The following MUC5AC variants were observed in gnomAD, a reference collection of about 807,000 sequenced individuals.
MUC5AC encodes mucin-5AC.
Under a neutral mutation model 169.7 loss-of-function variants are expected in MUC5AC, and 158 were observed. The ratio of observed to expected loss-of-function variants is 0.93; its 90% CI spans 0.82 to 1.06. The LOEUF is 1.06. MUC5AC is among the 50% of genes least tolerant of loss of function. MUC5AC has a pLI of 0.00. For missense variants in MUC5AC, 4,359 were observed against 3,089.9 expected (o/e 1.41, Z -9.74); for synonymous variants, 1,975 against 1,237.0 (o/e 1.60, Z -12.52).
chr11:1,158,579 A>G (rs1860032875), intron 1 of MUC5AC, among the ~76,000 whole-genome samples: 4 of 152,116 alleles, frequency 2.6e-5, no homozygotes, highest in African/African-American at 9.7e-5. Flanking sequence ...CCACAAGGGA[A>G]CTGTTTCACC....
At position 1,161,953 on chromosome 11, in the gene MUC5AC, C is replaced by A; in HGVS notation, c.258C>A (p.Ser86Arg). The A allele has an allele frequency of 6.2e-7, 1 of 1,612,238 alleles. No homozygotes were observed. Residue 86 changes from serine (S) to arginine (R), a missense_variant, in exon 4 of 49, where the codon AGC becomes AGA. By Grantham distance (110) the Ser-to-Arg change is moderately radical (BLOSUM62 -1). Transcript: ENST00000621226. ...GGCGGGTGTGCAGCACCTGGGGCAGCTTCCACTACAAGACCTTCGACGGCG... is the reference window on the plus strand; with the variant it reads ...GGCGGGTGTGCAGCACCTGGGGCAGATTCCACTACAAGACCTTCGACGGCG... The part of the protein sequence containing the change: ...HNGRVCSTWG[S>R]FHYKTFDGDV...
rs763960238 is a variant in MUC5AC, at chr11:1,162,592, G to A, written c.534G>A (p.Lys178=). ...TTCAGCAGAGCAGCAGCTACACCAA[G>A]GTGGAGGCCAGGCTGGGCCTTGTCC... ...VLIQQSSSYT[K]VEARLGLVLM... is the part of the protein sequence containing the mutation. Residue 178 remains lysine (K), a synonymous_variant, in exon 5 of 49, where the codon AAG becomes AAA. Transcript: ENST00000621226. The A allele has an allele frequency of 6.2e-7, 1 of 1,612,770 alleles. No homozygotes were observed. Among genetic ancestry groups the A allele is most frequent in the Non-Finnish European group, 8.5e-7 (1 of 1,179,868 alleles).
chr11:1,199,546 G>T, intron 46 of MUC5AC, 56 bp downstream of exon 46: 1 of 698,924 alleles, frequency 1.4e-6, no homozygotes. Flanking sequence ...AGATGGGTTT[G>T]GGGGGCTGTG....
intron 15 of MUC5AC, among the ~76,000 whole-genome samples, chr11:1,171,620 C>T (rs1376483066): frequency 0.14 from 16,995 of 123,730 alleles, 1,246 homozygotes; most frequent in Non-Finnish European, 0.17. Context: ...CACCCACTCA[C>T]GAACTCACTC....
intron 19 of MUC5AC, among the ~76,000 whole-genome samples, chr11:1,175,567 G>C (rs1257586206): frequency 5.1e-5 from 6 of 117,252 alleles, no homozygotes; most frequent in African/African-American, 2.0e-4. Flanking sequence ...TCACACTCAT[G>C]CACATGCTCA....
rs1861018614 is a variant in MUC5AC at position 1,188,962 on chromosome 11, A to G, written c.10817A>G (p.Lys3606Arg). The change falls in exon 31 of 49, where the codon AAG (lysine) becomes AGG (arginine). Residue 3606 changes from lysine (K) to arginine (R), a missense_variant. Transcript: ENST00000621226. Reference sequence around the variant, plus strand: ...AACCAGGACCAGCAGGGACCCTTCAAGATGTGCCTCAACTACGAGGTGCGT... The same window carrying G: ...AACCAGGACCAGCAGGGACCCTTCAGGATGTGCCTCAACTACGAGGTGCGT... ...CRNQDQQGPF[K>R]MCLNYEVRVL... 1.4e-6 allele frequency: 1 copy of G among 708,538 alleles called. No homozygotes were observed. The highest frequency in any genetic ancestry group is 2.5e-5 in the East Asian group (1 of 40,782). 43.9% of individuals were successfully genotyped at this position (708,538 alleles called of 1,614,324 possible). A position where few individuals can be genotyped will look rare whatever the true frequency, so the allele number is the denominator to read the frequency against.
In MUC5AC at chr11:1,174,617, T is replaced by C; in HGVS notation, c.2087T>C (p.Val696Ala). Residue 696 changes from valine (V) to alanine (A), a missense_variant, in exon 17 of 49, where the codon GTC (valine) becomes GCC (alanine). By Grantham distance (64) the Val-to-Ala change is moderately conservative. Transcript: ENST00000621226. ...CAGCTCGGCGGCTGGAGGGACGGCGTCTGCAGTGAGTGCCTGCCAAGCCCA... is the reference window on the plus strand; with the variant it reads ...CAGCTCGGCGGCTGGAGGGACGGCGCCTGCAGTGAGTGCCTGCCAAGCCCA... ...GVQLGGWRDG[V>A]CTKPMTTCPK... 1 of 1,231,062 alleles carries C rather than the reference T, an allele frequency of 8.1e-7. No individual in the cohort carries two copies. The highest frequency in any genetic ancestry group is 1.1e-6 in the Non-Finnish European group (1 of 876,116). The allele number at this position is 1,231,062 out of a possible 1,614,324, so 76.3% of individuals were successfully genotyped here.
chr11:1,174,700 TG>T, intron 17 of MUC5AC, 78 bp downstream of exon 17: 1 of 614,170 alleles, frequency 1.6e-6, no homozygotes. Context: ...GTGCACAGGT[TG>T]CTCTAAGGGC....
chr11:1,175,996 TCACA>T (rs1181276773), intron 19 of MUC5AC, among the ~76,000 whole-genome samples, 151 bp from the exon 20 acceptor site: 1 of 137,010 alleles, frequency 7.3e-6, no homozygotes, highest in African/African-American at 2.8e-5. Flanking sequence ...ATGGACACGC[TCACA>T]CACCCACTCA....
intron 16 of MUC5AC, 140 bp from the exon 17 acceptor site, chr11:1,174,356 A>G: frequency 3.5e-6 from 2 of 565,174 alleles, no homozygotes; most frequent in Admixed American, 3.2e-5. Context: ...GATGCCTGTG[A>G]GGACTCACAG....
intron 15 of MUC5AC, among the ~76,000 whole-genome samples, chr11:1,171,928 C>CACCT (rs1178513358): frequency 0.089 from 13,014 of 146,772 alleles, 655 homozygotes; most frequent in East Asian, 0.16. Context: ...CTCACTCACT[C>CACCT]ACTCATCCAC....
Position 1,199,398 on chromosome 11 carries a change from A to G in MUC5AC, c.16423A>G (p.Asn5475Asp). Reference protein sequence around the residue: ...YPGETWSDAGNHCVTHQCEKH... With the variant: ...YPGETWSDAGDHCVTHQCEKH... ...CGGCGAGACCTGGTCAGACGCAGGGAACCACTGTGTGACCCACCAGTGTGA... is the reference window on the plus strand; with the variant it reads ...CGGCGAGACCTGGTCAGACGCAGGGGACCACTGTGTGACCCACCAGTGTGA... Residue 5475 changes from asparagine to aspartate, a missense_variant, in exon 46 of 49, where the codon AAC becomes GAC. Asn to Asp is a conservative substitution (Grantham distance 23, BLOSUM62 1). Coordinates refer to ENST00000621226, the MANE Select transcript of MUC5AC (RefSeq NM_001304359.2). 2.8e-6 allele frequency: 2 copies of G among 725,244 alleles called. No individual in the cohort carries two copies. The highest frequency in any genetic ancestry group is 5.0e-6 in the Non-Finnish European group (2 of 397,894). The allele number at this position is 725,244 out of a possible 1,614,324, so 44.9% of individuals were successfully genotyped here. A position where few individuals can be genotyped will look rare whatever the true frequency, so the allele number is the denominator to read the frequency against.
At chr11:1,162,825 C>A in intron 5 of MUC5AC, 130 bp from the exon 6 acceptor site, 3 of 1,049,468 alleles carry the variant, frequency 2.9e-6, no homozygotes, top group African/African-American at 1.6e-5. Flanking sequence ...TCTGTGCCCC[C>A]AGGATGGAGA....
chr11:1,195,761 T>C (rs1473761607), intron 36 of MUC5AC, 115 bp from the exon 37 acceptor site: 1 of 580,534 alleles, frequency 1.7e-6, no homozygotes, highest in Non-Finnish European at 3.1e-6. Context: ...CACACACCAG[T>C]GGCTGCTCTG....
At position 1,163,934 on chromosome 11, in the gene MUC5AC, C is replaced by T; in HGVS notation, c.732C>T (p.Pro244=). Reference sequence around the variant, plus strand: ...GGAACCTGCAGAAGATGGACGACCCCACGGACCAGTGTCAGGACCCTGTCC... The same window carrying T: ...GGAACCTGCAGAAGATGGACGACCCTACGGACCAGTGTCAGGACCCTGTCC... The part of the protein sequence containing the change: ...EFGNLQKMDD[P]TDQCQDPVPE... Residue 244 remains proline, a synonymous_variant, in exon 7 of 49, where the codon CCC becomes CCT. Coordinates refer to ENST00000621226, the MANE Select transcript of MUC5AC (RefSeq NM_001304359.2). The T allele has an allele frequency of 6.2e-7, 1 of 1,611,546 alleles. No homozygotes were observed. The highest frequency in any genetic ancestry group is 1.6e-4 in the Middle Eastern group (1 of 6,062).
At chr11:1,193,803 C>T (rs901025270) in intron 33 of MUC5AC, 144 bp downstream of exon 33, 14 of 630,184 alleles carry the variant, frequency 2.2e-5, no homozygotes, top group African/African-American at 7.2e-5. Context: ...AGCATCAAGG[C>T]GGGGCCGCAT....
chr11:1,192,560 C>G (rs1339677201), intron 31 of MUC5AC, 35 bp downstream of exon 31: 1 of 757,086 alleles, frequency 1.3e-6, no homozygotes, highest in African/African-American at 1.7e-5. Flanking sequence ...TGTTTCTGAG[C>G]TCACCCTGGT....
intron 32 of MUC5AC, 99 bp downstream of exon 32, chr11:1,193,081 T>C (rs1861165745): frequency 5.0e-6 from 3 of 600,404 alleles, no homozygotes. Context: ...CTTGAGAAGG[T>C]CACTGGCGCT....
At chr11:1,197,732 C>G (rs1243042825) in intron 41 of MUC5AC, 93 bp downstream of exon 41, 1 of 634,264 alleles carries the variant, frequency 1.6e-6, no homozygotes, top group Non-Finnish European at 2.9e-6. Context: ...GGGGCGTGCA[C>G]CTGGGGACAG....
Sources: allele counts gnomAD v4.1 joint callset (sites outside exome capture counted in the v4.1 genomes callset), GRCh38; gene constraint gnomAD v4.1.1; transcripts MANE v1.5; gene names NCBI Gene and HGNC (gene_info 2026-07-23, HGNC 2026-07-21).